SORCS2: variants seen among roughly 807,000 people sequenced by gnomAD.
The protein encoded by SORCS2 is sortilin related VPS10 domain containing receptor 2.
In SORCS2, 100 loss-of-function variants were observed where a neutral mutation model predicts 141.6. That is an observed-to-expected ratio of 0.71 (90% CI 0.60 to 0.83). The LOEUF is 0.83. SORCS2 is among the 40% of genes least tolerant of loss of function. The pLI is 0.00. For synonymous variants in SORCS2, 789 were observed against 676.9 expected (o/e 1.17, Z -2.57); for missense variants, 1,646 against 1,560.2 (o/e 1.05, Z -0.93).
rs369334542 is a variant in SORCS2, at chr4:7,297,944, G to T, written c.481-98344G>T. Among the ~76,000 whole-genome samples the T allele has an allele frequency of 6.7e-4, 102 of 152,366 alleles. 1 individual carries two copies. In the South Asian group the frequency reaches 8.3e-3, roughly 12 times the overall value. ...TGGAGCCGAGACTGAGCCCCCTGGG[G>T]CTGGTATCCGCCTTGCAGGCCACAT... On this transcript the variant is annotated intron_variant, in intron 1 of 26. Transcript: ENST00000507866.
At chr4:7,414,435 C>G (rs6835140) in intron 2 of SORCS2, among the ~76,000 whole-genome samples, 2 of 152,012 alleles carry the variant, frequency 1.3e-5, no homozygotes. Context: ...GTGGGAGCCG[C>G]GGGGCAATGG....
At chr4:7,556,578 A>G (rs780084348) in intron 3 of SORCS2, among the ~76,000 whole-genome samples, 1 of 152,194 alleles carries the variant, frequency 6.6e-6, no homozygotes, top group African/African-American at 2.4e-5. Context: ...TTCACTTTTC[A>G]TAAGAGTATA....
rs77318415 is a variant in SORCS2 at position 7,504,020 on chromosome 4, C to T, written c.549-27510C>T. 2.8e-3 allele frequency among the ~76,000 whole-genome samples: 421 copies of T among 152,312 alleles called. 6 individuals carry two copies. The highest frequency in any genetic ancestry group is 9.0e-3 in the African/African-American group (374 of 41,574). ...CTCCACCCGGAGAGCAGGCCTGGAGCAGAGGAGGAGCTTGTGCTTTCCCAC... is the reference window on the plus strand; with the variant it reads ...CTCCACCCGGAGAGCAGGCCTGGAGTAGAGGAGGAGCTTGTGCTTTCCCAC... On this transcript the variant is annotated intron_variant, in intron 2 of 26. Transcript: ENST00000507866.
chr4:7,223,818 A>T (rs186389860), intron 1 of SORCS2, among the ~76,000 whole-genome samples: 218 of 151,888 alleles, frequency 1.4e-3, no homozygotes, highest in African/African-American at 5.1e-3. Flanking sequence ...GCAGTTATCC[A>T]CCCCTGGAAT....
chr4:7,267,172 C>T (rs1046984994), intron 1 of SORCS2, among the ~76,000 whole-genome samples: 6 of 152,060 alleles, frequency 3.9e-5, no homozygotes, highest in African/African-American at 1.5e-4. Flanking sequence ...ACGGGACAGA[C>T]AAGAGTGATG....
intron 1 of SORCS2, among the ~76,000 whole-genome samples, chr4:7,395,668 G>A (rs200687724): frequency 0.036 from 5,533 of 151,940 alleles, 148 homozygotes; most frequent in East Asian, 0.083. Flanking sequence ...GGTGGGCCCC[G>A]TGTGTGATGA....
chr4:7,234,190 AT>A (rs1285163481), intron 1 of SORCS2, among the ~76,000 whole-genome samples: 1 of 152,136 alleles, frequency 6.6e-6, no homozygotes, highest in African/African-American at 2.4e-5. Flanking sequence ...AAATGTATTG[AT>A]TCTTTTGATA....
At chr4:7,715,553 G>T (rs1726137409) in intron 17 of SORCS2, among the ~76,000 whole-genome samples, 1 of 152,216 alleles carries the variant, frequency 6.6e-6, no homozygotes, top group Non-Finnish European at 1.5e-5. Flanking sequence ...AACCCACAGG[G>T]TTCTCCCATC....
chr4:7,459,640 C>A (rs1690683763), intron 2 of SORCS2, among the ~76,000 whole-genome samples: 1 of 152,190 alleles, frequency 6.6e-6, no homozygotes, highest in Non-Finnish European at 1.5e-5. Flanking sequence ...CCTGGCCCAG[C>A]CTGGGGTGTC....
chr4:7,203,072 C>A (rs1413492758), intron 1 of SORCS2, among the ~76,000 whole-genome samples: 1 of 152,192 alleles, frequency 6.6e-6, no homozygotes, highest in Non-Finnish European at 1.5e-5. Context: ...CCCCCAGTCA[C>A]ACAGCTAGTG....
At chr4:7,453,158 T>C (rs1448975394) in intron 2 of SORCS2, among the ~76,000 whole-genome samples, 5 of 87,664 alleles carry the variant, frequency 5.7e-5, no homozygotes, top group Admixed American at 1.4e-4. Context: ...TGGGGTCAGG[T>C]GCTGTGTTGG....
intron 3 of SORCS2, among the ~76,000 whole-genome samples, chr4:7,547,734 CG>C (rs1434287549): frequency 6.6e-6 from 1 of 152,224 alleles, no homozygotes; most frequent in Non-Finnish European, 1.5e-5. Flanking sequence ...ACCAGTTTGC[CG>C]TGAGACCTGC....
intron 2 of SORCS2, among the ~76,000 whole-genome samples, chr4:7,485,206 C>A (rs1730902290): frequency 6.6e-6 from 1 of 152,226 alleles, no homozygotes; most frequent in Non-Finnish European, 1.5e-5. Flanking sequence ...GCCTTCGGTC[C>A]CCAGATGAGA....
At chr4:7,548,273 C>T (rs912345831) in intron 3 of SORCS2, among the ~76,000 whole-genome samples, 1 of 152,158 alleles carries the variant, frequency 6.6e-6, no homozygotes, top group African/African-American at 2.4e-5. Context: ...TTTGATTTTA[C>T]AGGTGAGGAG....
At chr4:7,717,348 ACT>A (rs774296582) in intron 17 of SORCS2, among the ~76,000 whole-genome samples, 6 of 151,884 alleles carry the variant, frequency 4.0e-5, no homozygotes, top group Non-Finnish European at 8.8e-5. Context: ...CTGTGGTTTC[ACT>A]CTGACGTGAT....
chr4:7,450,240 C>T (rs1728351782), intron 2 of SORCS2, among the ~76,000 whole-genome samples: 1 of 152,172 alleles, frequency 6.6e-6, no homozygotes, highest in Admixed American at 6.5e-5. Flanking sequence ...ATGAGCTCTG[C>T]CTGGTGGTGA....
intron 6 of SORCS2, among the ~76,000 whole-genome samples, chr4:7,662,122 T>C (rs1722213010): frequency 6.6e-6 from 1 of 151,902 alleles, no homozygotes; most frequent in Non-Finnish European, 1.5e-5. Flanking sequence ...GCCTGTGAAA[T>C]GGATAGTGAT....
intron 2 of SORCS2, among the ~76,000 whole-genome samples, chr4:7,476,943 C>A (rs1730335496): frequency 6.6e-6 from 1 of 152,242 alleles, no homozygotes; most frequent in South Asian, 2.1e-4. Flanking sequence ...ACCTGCTGAG[C>A]TCCCTTGCTG....
chr4:7,739,095 G>A (rs550506256), intron 26 of SORCS2, among the ~76,000 whole-genome samples: 84 of 152,256 alleles, frequency 5.5e-4, no homozygotes, highest in African/African-American at 1.6e-3. Flanking sequence ...TCGACATTGC[G>A]CCCACTGCAC....
Sources: gnomAD v4.1 joint callset for allele counts (sites outside exome capture counted in the v4.1 genomes callset) on GRCh38, gnomAD v4.1.1 for gene constraint, MANE v1.5 for transcripts, NCBI Gene and HGNC (gene_info 2026-07-23, HGNC 2026-07-21) for gene names.